The following CELF6 variants were observed in gnomAD, a reference collection of about 807,000 sequenced individuals.
CELF6 encodes Bruno -like 6, RNA binding protein.
CELF6 carries 32 observed loss-of-function variants against 53.1 expected under a neutral mutation model. The observed-to-expected ratio is 0.60, with a 90% CI of 0.46 to 0.81. CELF6 has a LOEUF of 0.81. Ranked by LOEUF, CELF6 falls within the 30% of genes least tolerant of loss-of-function variation. CELF6 has a pLI of 0.00. For missense variants in CELF6, 539 were observed against 669.5 expected (o/e 0.81, Z 2.15); for synonymous variants, 291 against 288.8 (o/e 1.01, Z -0.08).
chr15:72,307,533 A>G (rs971357955), intron 2 of CELF6, among the ~76,000 whole-genome samples: 1 of 152,078 alleles, frequency 6.6e-6, no homozygotes, highest in Non-Finnish European at 1.5e-5. Flanking sequence ...AATCCTTCCA[A>G]CCACTCTTCA....
At chr15:72,296,588 TACC>T (rs1195912248) in intron 3 of CELF6, among the ~76,000 whole-genome samples, 4 of 152,052 alleles carry the variant, frequency 2.6e-5, no homozygotes, top group East Asian at 1.9e-4. Context: ...ACAACAACAA[TACC>T]AACAACAGAA....
intron 3 of CELF6, among the ~76,000 whole-genome samples, chr15:72,291,724 G>A (rs2088008762): frequency 6.6e-6 from 1 of 152,226 alleles, no homozygotes; most frequent in African/African-American, 2.4e-5. Flanking sequence ...TGGGGATCCT[G>A]AAGTGTCTGT....
chr15:72,303,646 C>T (rs1178905490), intron 3 of CELF6, among the ~76,000 whole-genome samples: 1 of 152,092 alleles, frequency 6.6e-6, no homozygotes, highest in Non-Finnish European at 1.5e-5. Flanking sequence ...TTGGGTTAGA[C>T]AGGAAGAGAG....
In CELF6 at chr15:72,289,121, C is replaced by T. The variant is rs758231973; in HGVS notation, c.1030+17G>A. ...CCACTCCATTTCGGGGGGATTTGGG[C>T]GGAGCGGGGGGCCCACCTGGATAAG... On this transcript the variant is annotated intron_variant, in intron 8 of 12. Transcript: ENST00000287202. This position sits in a 1 kb window ranked among gnomAD's most constrained non-coding sequence, Gnocchi z 7.6. 4.0e-6 allele frequency: 6 copies of T among 1,504,388 alleles called. No homozygotes were observed. The highest frequency in any genetic ancestry group is 1.8e-4 in the Middle Eastern group (1 of 5,584). 93.2% of individuals were successfully genotyped at this position (1,504,388 alleles called of 1,614,324 possible).
rs1341096290 is a variant in CELF6 at position 72,289,776 on chromosome 15, C to G, written c.604-6G>C. 2 of 1,451,866 alleles carry G rather than the reference C, an allele frequency of 1.4e-6. No individual in the cohort carries two copies. The allele number at this position is 1,451,866 out of a possible 1,614,324, so 89.9% of individuals were successfully genotyped here. A position where few individuals can be genotyped will look rare whatever the true frequency, so the allele number is the denominator to read the frequency against. On this transcript the variant is annotated splice_region_variant and splice_polypyrimidine_tract_variant and intron_variant, in intron 5 of 12. Transcript: ENST00000287202. This position sits in a 1 kb window ranked among gnomAD's most constrained non-coding sequence, Gnocchi z 7.6. ...ACGAGGCTGGACGAGGCGCCCTGGG[C>G]AGGGCAGGGGAGGCCGTGGTGACCG...
At chr15:72,315,090 T>C (rs1265572428) in intron 2 of CELF6, among the ~76,000 whole-genome samples, 4 of 152,244 alleles carry the variant, frequency 2.6e-5, no homozygotes, top group South Asian at 4.1e-4. Context: ...GAACTGGACA[T>C]AGTCCCAAGT....
chr15:72,317,410 A>C (rs1002130147), intron 1 of CELF6, among the ~76,000 whole-genome samples: 2 of 152,208 alleles, frequency 1.3e-5, no homozygotes, highest in Non-Finnish European at 2.9e-5. Flanking sequence ...CTGCCCCATT[A>C]AGATGGGTTT....
chr15:72,292,996 C>G (rs1193758336), intron 3 of CELF6, among the ~76,000 whole-genome samples: 1 of 152,208 alleles, frequency 6.6e-6, no homozygotes, highest in African/African-American at 2.4e-5. Context: ...CACTGCACTC[C>G]AGCCTGGGCG....
rs1437825172 is a variant in CELF6 at position 72,285,851 on chromosome 15, G to A, written c.*520C>T. 6.6e-6 allele frequency: 1 copy of A among 152,642 alleles called. No individual in the cohort carries two copies. The highest frequency in any genetic ancestry group is 2.4e-5 in the African/African-American group (1 of 41,452). 9.5% of individuals were successfully genotyped at this position (152,642 alleles called of 1,614,324 possible). ...TCTTTCCACAGCCCCCATCTGCCTAGGCTGGGGCTGTCAAGGGTCTCCTTC... is the reference window on the plus strand; with the variant it reads ...TCTTTCCACAGCCCCCATCTGCCTAAGCTGGGGCTGTCAAGGGTCTCCTTC... On this transcript the variant is annotated 3_prime_UTR_variant, in exon 13 of 13. Coordinates refer to ENST00000287202, the MANE Select transcript of CELF6 (RefSeq NM_052840.5).
At position 72,319,845 on chromosome 15, in the gene CELF6, C is replaced by G. The variant is rs984373743; in HGVS notation, c.30G>C (p.Gln10His). 6.5e-7 allele frequency: 1 copy of G among 1,533,878 alleles called. No homozygotes were observed. Among genetic ancestry groups the G allele is most frequent in the African/African-American group, 1.4e-5 (1 of 72,206 alleles). Residue 10 changes from glutamine to histidine, a missense_variant, in exon 1 of 13, where the codon CAG (glutamine) becomes CAC (histidine). Gln to His is a conservative substitution (Grantham distance 24, BLOSUM62 0). Transcript: ENST00000287202. This position sits in a 1 kb window ranked among gnomAD's most constrained non-coding sequence, Gnocchi z 5.0. ...CCAGGCGCGGGCCGGGGCCAGCGGG[C>G]TGCGCTGACCCTCCCGGCGCCGCGG... Reference protein sequence around the residue: MAAAPGGSAQPAGPGPRLGF... With the variant: MAAAPGGSAHPAGPGPRLGF...
In CELF6 at chr15:72,319,913, C is replaced by A; in HGVS notation, c.-39G>T. On this transcript the variant is annotated 5_prime_UTR_variant, in exon 1 of 13. Transcript: ENST00000287202. The surrounding 1 kb of genome is among the most constrained non-coding windows in gnomAD (Gnocchi z 5.0). ...CAGCCCTCCCGCCGGTCCCACTGGT[C>A]CCGCCTGTCCCGCCGTCCCCTCCCT... 1.4e-6 allele frequency: 2 copies of A among 1,417,464 alleles called. No individual in the cohort carries two copies. The highest frequency in any genetic ancestry group is 1.5e-5 in the South Asian group (1 of 64,688). 87.8% of individuals were successfully genotyped at this position (1,417,464 alleles called of 1,614,324 possible). A position where few individuals can be genotyped will look rare whatever the true frequency, so the allele number is the denominator to read the frequency against.
intron 2 of CELF6, among the ~76,000 whole-genome samples, chr15:72,307,292 T>C (rs1250896985): frequency 6.6e-6 from 1 of 151,978 alleles, no homozygotes; most frequent in African/African-American, 2.4e-5. Context: ...CATCGGGTGG[T>C]ACATACATGT....
At chr15:72,298,866 G>T (rs893255812) in intron 3 of CELF6, among the ~76,000 whole-genome samples, 13 of 152,200 alleles carry the variant, frequency 8.5e-5, no homozygotes, top group Non-Finnish European at 1.8e-4. Flanking sequence ...AGGGATTTGG[G>T]GATCCTTATT....
In CELF6 at chr15:72,319,824, G is replaced by A; in HGVS notation, c.51C>T (p.Arg17=). ...GSAQPAGPGP[R]LGFSTADSGV... ...CGCTGTCCGCGGTGCTGAAACCCAG[G>A]CGCGGGCCGGGGCCAGCGGGCTGCG... The change falls in exon 1 of 13, where the codon CGC becomes CGT. Residue 17 remains arginine, a synonymous_variant. Transcript: ENST00000287202. The surrounding 1 kb of genome is among the most constrained non-coding windows in gnomAD (Gnocchi z 5.0). 3 of 1,549,958 alleles carry A rather than the reference G, an allele frequency of 1.9e-6. No homozygotes were observed. Among genetic ancestry groups the A allele is most frequent in the Non-Finnish European group, 2.6e-6 (3 of 1,146,202 alleles).
Position 72,289,358 on chromosome 15 carries a change from G to A in CELF6, c.880+17C>T. 6.5e-7 allele frequency: 1 copy of A among 1,545,300 alleles called. No individual in the cohort carries two copies. The highest frequency in any genetic ancestry group is 1.9e-5 in the Admixed American group (1 of 51,682). The stretch of plus-strand genomic sequence containing the variant: ...CCCGGCCCCTCCCAGGCGCGCCCCA[G>A]TCCCTGGGGGCCGTACCTGCCGCGG... On this transcript the variant is annotated intron_variant, in intron 7 of 12. Coordinates refer to ENST00000287202, the MANE Select transcript of CELF6 (RefSeq NM_052840.5). The surrounding 1 kb of genome is among the most constrained non-coding windows in gnomAD (Gnocchi z 7.6).
intron 3 of CELF6, among the ~76,000 whole-genome samples, chr15:72,297,246 A>C (rs1387635078): frequency 6.6e-6 from 1 of 152,196 alleles, no homozygotes; most frequent in Non-Finnish European, 1.5e-5. Context: ...CCTTCTGTTT[A>C]ACTACAACTT....
Position 72,319,267 on chromosome 15 carries a change from C to T in CELF6, c.262+346G>A, listed in dbSNP as rs183535734. Among the ~76,000 whole-genome samples, 1 of 151,990 alleles carries T rather than the reference C, an allele frequency of 6.6e-6. No homozygotes were observed. Among genetic ancestry groups the T allele is most frequent in the African/African-American group, 2.4e-5 (1 of 41,414 alleles). Reference sequence around the variant, plus strand: ...CAGGGTTTGGGAAATTGAGGGTATTCGAGATCTAGAAGGTGGAATAAGTTT... The same window carrying T: ...CAGGGTTTGGGAAATTGAGGGTATTTGAGATCTAGAAGGTGGAATAAGTTT... On this transcript the variant is annotated intron_variant, in intron 1 of 12. Coordinates refer to ENST00000287202, the MANE Select transcript of CELF6 (RefSeq NM_052840.5). This position sits in a 1 kb window ranked among gnomAD's most constrained non-coding sequence, Gnocchi z 5.0.
intron 2 of CELF6, among the ~76,000 whole-genome samples, chr15:72,308,147 T>C (rs2088253193): frequency 6.6e-6 from 1 of 152,240 alleles, no homozygotes; most frequent in African/African-American, 2.4e-5. Context: ...GGAATCATGA[T>C]CTTAACTTGC....
intron 3 of CELF6, among the ~76,000 whole-genome samples, chr15:72,297,018 A>G (rs902464823): frequency 2.0e-5 from 3 of 152,236 alleles, no homozygotes; most frequent in Non-Finnish European, 4.4e-5. Flanking sequence ...CAATTGACCA[A>G]TAATAATTTT....
Sources: gnomAD v4.1 joint callset for allele counts (sites outside exome capture counted in the v4.1 genomes callset) on GRCh38, gnomAD v4.1.1 for gene constraint, Gnocchi (gnomAD v3.1) non-coding constraint, MANE v1.5 for transcripts, NCBI Gene and HGNC (gene_info 2026-07-23, HGNC 2026-07-21) for gene names.